Variants in HDAC4 observed in about 807,000 individuals in gnomAD.
The protein encoded by HDAC4 is histone deacetylase A.
HDAC4 carries 16 observed loss-of-function variants against 135.1 expected under a neutral mutation model. The ratio of observed to expected loss-of-function variants is 0.12; its 90% CI spans 0.08 to 0.18. The LOEUF (loss-of-function observed/expected upper bound fraction) is 0.18, where lower values mean the gene tolerates loss of function less well. Ranked by LOEUF, HDAC4 falls within the 10% of genes least tolerant of loss-of-function variation. The probability of loss-of-function intolerance (pLI) is 1.00; values close to 1 mark genes in which losing one functional copy is unlikely to be tolerated. For synonymous variants in HDAC4, 685 were observed against 653.4 expected, an observed-to-expected ratio of 1.05 and a Z score of -0.74; for missense variants, 1,143 against 1,511.8, an observed-to-expected ratio of 0.76 and a Z score of 4.05.
chr2:239,391,161 A>G (rs1328370080), intron 1 of HDAC4, among the ~76,000 whole-genome samples: 1 of 152,198 alleles, frequency 6.6e-6, no homozygotes, highest in Non-Finnish European at 1.5e-5. Context: ...CGGGCTCTGC[A>G]TACCGGGTAG....
intron 1 of HDAC4, among the ~76,000 whole-genome samples, chr2:239,374,361 C>T (rs911226283): frequency 6.8e-6 from 1 of 147,300 alleles, no homozygotes; most frequent in Non-Finnish European, 1.5e-5. Context: ...AGGAGGAAAC[C>T]ACCCCAGATG....
intron 24 of HDAC4, among the ~76,000 whole-genome samples, chr2:239,058,790 A>T (rs1334109114): frequency 1.3e-5 from 2 of 152,242 alleles, no homozygotes; most frequent in South Asian, 2.1e-4. Flanking sequence ...AGACTTTGCC[A>T]TGTCTTTCTC....
chr2:239,390,990 A>G (rs1425723927), intron 1 of HDAC4, among the ~76,000 whole-genome samples: 1 of 152,236 alleles, frequency 6.6e-6, no homozygotes, highest in African/African-American at 2.4e-5. Context: ...CTCTCCCAGC[A>G]CACTGGGAAG....
At chr2:239,390,732 G>T (rs936669968) in intron 1 of HDAC4, among the ~76,000 whole-genome samples, 10 of 152,010 alleles carry the variant, frequency 6.6e-5, no homozygotes, top group African/African-American at 2.4e-4. Flanking sequence ...CCCTCACTTT[G>T]CTACCAGGAG....
In HDAC4 at chr2:239,163,818, G is replaced by C; in HGVS notation, c.596C>G (p.Pro199Arg). 1 of 1,614,172 alleles carries C rather than the reference G, an allele frequency of 6.2e-7. No homozygotes were observed. Among genetic ancestry groups the C allele is most frequent in the Non-Finnish European group, 8.5e-7 (1 of 1,180,044 alleles). The change falls in exon 6 of 27, where the codon CCT becomes CGT. Residue 199 changes from proline to arginine, a missense_variant. By Grantham distance (103) the Pro-to-Arg change is moderately radical (BLOSUM62 -2). Coordinates refer to ENST00000543185, the MANE Select transcript of HDAC4 (RefSeq NM_001378414.1). ...CCACACTTACCCGTACCAGTAGCGA[G>C]GGTCGCTGGAAATGCAGTGGTTCAG... ...RNLNHCISSDPRYWYGKTQHS... is the reference protein window; with the variant it reads ...RNLNHCISSDRRYWYGKTQHS...
chr2:239,150,314 G>C (rs2042032652), intron 7 of HDAC4, among the ~76,000 whole-genome samples: 1 of 151,306 alleles, frequency 6.6e-6, no homozygotes, highest in African/African-American at 2.4e-5. Context: ...TATACACACA[G>C]ATACACAGAA....
chr2:239,336,362 G>GC (rs985352512), intron 2 of HDAC4, among the ~76,000 whole-genome samples: 1 of 152,170 alleles, frequency 6.6e-6, no homozygotes, highest in Non-Finnish European at 1.5e-5. Flanking sequence ...TTTCCTGGAT[G>GC]CCTGTGATAC....
At chr2:239,083,754 C>T (rs1042749889) in intron 20 of HDAC4, among the ~76,000 whole-genome samples, 5 of 152,172 alleles carry the variant, frequency 3.3e-5, no homozygotes, top group East Asian at 3.9e-4. Context: ...CAGGAAGGCA[C>T]GGGCTTCACT....
At chr2:239,273,972 G>A (rs971959280) in intron 2 of HDAC4, among the ~76,000 whole-genome samples, 2 of 152,234 alleles carry the variant, frequency 1.3e-5, no homozygotes, top group African/African-American at 2.4e-5. Flanking sequence ...TGTTAAAGCT[G>A]TGACAATGGT....
chr2:239,089,114 G>A (rs1384138307), intron 18 of HDAC4, among the ~76,000 whole-genome samples: 1 of 152,144 alleles, frequency 6.6e-6, no homozygotes, highest in Non-Finnish European at 1.5e-5. Flanking sequence ...ACCACTTGCT[G>A]AATTTTTGGT....
intron 3 of HDAC4, among the ~76,000 whole-genome samples, chr2:239,218,313 G>T (rs1016485257): frequency 1.3e-5 from 2 of 151,548 alleles, no homozygotes; most frequent in Admixed American, 1.3e-4. Flanking sequence ...AAATAACACC[G>T]CATATCTACA....
At chr2:239,136,622 CAT>C (rs1335130440) in intron 9 of HDAC4, among the ~76,000 whole-genome samples, 1 of 152,212 alleles carries the variant, frequency 6.6e-6, no homozygotes, top group Non-Finnish European at 1.5e-5. Context: ...GAAGGGGAAA[CAT>C]GTGCAAGCCA....
At chr2:239,101,425 G>C (rs2037621506) in intron 16 of HDAC4, among the ~76,000 whole-genome samples, 1 of 152,196 alleles carries the variant, frequency 6.6e-6, no homozygotes, top group Non-Finnish European at 1.5e-5. Flanking sequence ...TCTCTGTGAG[G>C]CTGAGTCTGC....
intron 2 of HDAC4, among the ~76,000 whole-genome samples, chr2:239,283,998 G>A (rs1355484770): frequency 5.9e-5 from 9 of 152,198 alleles, no homozygotes; most frequent in Non-Finnish European, 7.4e-5. Context: ...CGCCAAGGGC[G>A]TCGGCGCAGG....
At chr2:239,360,759 G>T (rs1693813722) in intron 1 of HDAC4, among the ~76,000 whole-genome samples, 1 of 152,184 alleles carries the variant, frequency 6.6e-6, no homozygotes, top group African/African-American at 2.4e-5. Context: ...AGCTCCACCT[G>T]GCCCCAGCAC....
chr2:239,264,736 G>A (rs1009138477), intron 2 of HDAC4, among the ~76,000 whole-genome samples: 3 of 152,226 alleles, frequency 2.0e-5, no homozygotes, highest in African/African-American at 7.2e-5. Flanking sequence ...ATTTCTTGGG[G>A]GGAGGCTCTT....
chr2:239,280,689 G>C (rs2050655632), intron 2 of HDAC4, among the ~76,000 whole-genome samples: 1 of 152,062 alleles, frequency 6.6e-6, no homozygotes, highest in East Asian at 1.9e-4. Flanking sequence ...ACTGTCTGCT[G>C]TTAACAGGGG....
chr2:239,264,629 C>T (rs2049600690), intron 2 of HDAC4, among the ~76,000 whole-genome samples: 1 of 152,156 alleles, frequency 6.6e-6, no homozygotes, highest in Non-Finnish European at 1.5e-5. Context: ...GCAGCCTGAA[C>T]CTGCAGAGGT....
At chr2:239,374,832 G>A (rs966249636) in intron 1 of HDAC4, among the ~76,000 whole-genome samples, 3 of 152,216 alleles carry the variant, frequency 2.0e-5, no homozygotes, top group Non-Finnish European at 2.9e-5. Flanking sequence ...AAACCTGGAC[G>A]AGAGCCAAGC....
Sources: gnomAD v4.1 joint callset for allele counts (sites outside exome capture counted in the v4.1 genomes callset) on GRCh38, gnomAD v4.1.1 for gene constraint, MANE v1.5 for transcripts, NCBI Gene and HGNC (gene_info 2026-07-23, HGNC 2026-07-21) for gene names.